The following MPEG1 variants were observed in gnomAD, a reference collection of about 807,000 sequenced individuals.
The protein encoded by MPEG1 is macrophage expressed 1, also known as macrophage-expressed gene 1 protein.
For synonymous variants in MPEG1, 365 were observed against 351.9 expected (o/e 1.04, Z -0.42); for missense variants, 876 against 880.3 (o/e 1.00, Z 0.06).
Position 59,211,003 on chromosome 11 carries a change from C to A in MPEG1, c.1863G>T (p.Trp621Cys), listed in dbSNP as rs1169596919. 3 of 1,614,182 alleles carry A rather than the reference C, an allele frequency of 1.9e-6. No homozygotes were observed. The highest frequency in any genetic ancestry group is 2.5e-6 in the Non-Finnish European group (3 of 1,180,036). The change falls in exon 1 of 1, where the codon TGG (tryptophan) becomes TGT (cysteine). Residue 621 changes from tryptophan (W) to cysteine (C), a missense_variant. Trp to Cys is a radical substitution (Grantham distance 215, BLOSUM62 -2). Coordinates refer to ENST00000361050, the MANE Select transcript of MPEG1 (RefSeq NM_001039396.2). Reference sequence around the variant, plus strand: ...ACTGGTGGGTCTGGGAGTCTTTAATCCAGGATCTCGCATTCTCAGAATTGG... The same window carrying A: ...ACTGGTGGGTCTGGGAGTCTTTAATACAGGATCTCGCATTCTCAGAATTGG... ...IVTNSENARS[W>C]IKDSQTHQWR... is the part of the protein sequence containing the mutation.
In MPEG1 at chr11:59,211,377, A is replaced by G; in HGVS notation, c.1489T>C (p.Cys497Arg). ...SINPMTNAQSCPAGYFPLRLF... is the reference protein window; with the variant it reads ...SINPMTNAQSRPAGYFPLRLF... ...CTCAGTGGAAAGTAGCCGGCTGGGC[A>G]TGACTGTGCATTTGTCATGGGGTTT... The change falls in exon 1 of 1, where the codon TGC becomes CGC. Residue 497 changes from cysteine (C) to arginine (R), a missense_variant. Cys to Arg is a radical substitution (Grantham distance 180). Transcript: ENST00000361050. The G allele has an allele frequency of 1.2e-6, 2 of 1,614,220 alleles. No homozygotes were observed. The highest frequency in any genetic ancestry group is 2.2e-5 in the South Asian group (2 of 91,080).
At position 59,210,823 on chromosome 11, in the gene MPEG1, C is replaced by T; in HGVS notation, c.2043G>A (p.Lys681=). The T allele has an allele frequency of 4.3e-6, 7 of 1,614,182 alleles. No homozygotes were observed. The highest frequency in any genetic ancestry group is 5.9e-6 in the Non-Finnish European group (7 of 1,180,048). ...TTGCCTGATATGCTTTCTTCTTGAA[C>T]TTCCGGGTGCCGTAGATGGCCAAGG... ...VITLAIYGTR[K]FKKKAYQAIE... is the part of the protein sequence containing the mutation. Residue 681 remains lysine, a synonymous_variant, in exon 1 of 1, where the codon AAG becomes AAA. Transcript: ENST00000361050.
rs1862908650 is a variant in MPEG1, at chr11:59,212,446, T to C, written c.420A>G (p.Gln140=). 1 of 1,614,218 alleles carries C rather than the reference T, an allele frequency of 6.2e-7. No homozygotes were observed. Among genetic ancestry groups the C allele is most frequent in the South Asian group, 1.1e-5 (1 of 91,086 alleles). ...GGGTAGTTATAGCTTGGTCCTTCAC[T>C]TGGAGGGTCTTCATCCTCTGGAACT... ...STEFQRMKTL[Q]VKDQAITTRV... Residue 140 remains glutamine, a synonymous_variant, in exon 1 of 1, where the codon CAA becomes CAG. Coordinates refer to ENST00000361050, the MANE Select transcript of MPEG1 (RefSeq NM_001039396.2).
Position 59,211,026 on chromosome 11 carries a change from TG to T in MPEG1, c.1839del (p.Asn614IlefsTer23). 6.2e-7 allele frequency: 1 copy of T among 1,614,144 alleles called. No individual in the cohort carries two copies. Among genetic ancestry groups the T allele is most frequent in the Non-Finnish European group, 8.5e-7 (1 of 1,180,016 alleles). ...SQAATNTVIVTNSENARSWIK... is the reference protein window; with the variant it reads ...SQAATNTVIVXNSENARSWIK... ...ATCCAGGATCTCGCATTCTCAGAAT[TG>T]GTCACTATGACAGTATTGGTGGCAG... On this transcript the variant is annotated frameshift_variant, in exon 1 of 1. Coordinates refer to ENST00000361050, the MANE Select transcript of MPEG1 (RefSeq NM_001039396.2). LOFTEE classifies it low-confidence loss of function (END_TRUNC).
Position 59,209,712 on chromosome 11 carries a change from T to A in MPEG1, c.*1003A>T, listed in dbSNP as rs1422322802. 1 of 150,860 alleles carries A rather than the reference T, an allele frequency of 6.6e-6. No homozygotes were observed. The highest frequency in any genetic ancestry group is 1.5e-5 in the Non-Finnish European group (1 of 67,698). The allele number at this position is 150,860 out of a possible 1,614,324, so 9.3% of individuals were successfully genotyped here. On this transcript the variant is annotated 3_prime_UTR_variant, in exon 1 of 1. Coordinates refer to ENST00000361050, the MANE Select transcript of MPEG1 (RefSeq NM_001039396.2). ...GTCTTACTTTAACTTCTTGCCTTTG[T>A]TACCCCCAGAACCATGCAGACATTG...
In MPEG1 at chr11:59,210,562, A is replaced by G; in HGVS notation, c.*153T>C. 1.5e-6 allele frequency: 1 copy of G among 678,376 alleles called. No homozygotes were observed. Among genetic ancestry groups the G allele is most frequent in the South Asian group, 1.9e-5 (1 of 52,064 alleles). The allele number at this position is 678,376 out of a possible 1,614,324, so 42.0% of individuals were successfully genotyped here. ...CCTCTCCCCAATCCCAACCTTATCC[A>G]TGTAACAGTATGAATTTCCTGGCCC... On this transcript the variant is annotated 3_prime_UTR_variant, in exon 1 of 1. Transcript: ENST00000361050.
chr11:59,210,924 C>T lies in MPEG1; in HGVS notation c.1942G>A (p.Asp648Asn). 6.2e-7 allele frequency: 1 copy of T among 1,614,208 alleles called. No individual in the cohort carries two copies. Among genetic ancestry groups the T allele is most frequent in the Non-Finnish European group, 8.5e-7 (1 of 1,180,044 alleles). Reference sequence around the variant, plus strand: ...GCCCCTCCTGACAGACCACCACCATCCCCATGGATGACATTCATGGCCCTC... The same window carrying T: ...GCCCCTCCTGACAGACCACCACCATTCCCATGGATGACATTCATGGCCCTC... Reference protein sequence around the residue: ...LRRAMNVIHGDGGGLSGGAAA... With the variant: ...LRRAMNVIHGNGGGLSGGAAA... The change falls in exon 1 of 1, where the codon GAT becomes AAT. Residue 648 changes from aspartate to asparagine, a missense_variant. By Grantham distance (23) the Asp-to-Asn change is conservative. Coordinates refer to ENST00000361050, the MANE Select transcript of MPEG1 (RefSeq NM_001039396.2).
Position 59,212,001 on chromosome 11 carries a change from G to T in MPEG1, c.865C>A (p.Leu289Ile), listed in dbSNP as rs1456674707. The change falls in exon 1 of 1, where the codon CTC (leucine) becomes ATC (isoleucine). Residue 289 changes from leucine (L) to isoleucine (I), a missense_variant. Transcript: ENST00000361050. ...GTGATACCCTGCTGCCAGGCCTGGA[G>T]GGTGATGCCTGGGTAAAAAGGAACC... ...GGVPFYPGITLQAWQQGITNH... is the reference protein window; with the variant it reads ...GGVPFYPGITIQAWQQGITNH... 6.2e-7 allele frequency: 1 copy of T among 1,610,642 alleles called. No individual in the cohort carries two copies. The highest frequency in any genetic ancestry group is 1.3e-5 in the African/African-American group (1 of 74,818).
rs778312258 is a variant in MPEG1, at chr11:59,212,925, A to T, written c.-60T>A. 4.3e-6 allele frequency: 6 copies of T among 1,393,160 alleles called. No individual in the cohort carries two copies. The highest frequency in any genetic ancestry group is 6.0e-6 in the Non-Finnish European group (6 of 1,007,134). 86.3% of individuals were successfully genotyped at this position (1,393,160 alleles called of 1,614,324 possible). On this transcript the variant is annotated 5_prime_UTR_variant, in exon 1 of 1. Transcript: ENST00000361050. ...ACAGCGGCCAGCAAGCTTTGGGCAA[A>T]CTAAGATGGAGAAAACAGAAGCAGA...
Position 59,212,579 on chromosome 11 carries a change from A to T in MPEG1, c.287T>A (p.Met96Lys). The change falls in exon 1 of 1, where the codon ATG (methionine) becomes AAG (lysine). Residue 96 changes from methionine (M) to lysine (K), a missense_variant. Met to Lys is a moderately conservative substitution (Grantham distance 95, BLOSUM62 -1). Coordinates refer to ENST00000361050, the MANE Select transcript of MPEG1 (RefSeq NM_001039396.2). ...CCAGGATTCCAGGATTTCTGAGTTC[A>T]TCTCCAGGTTGCTCTGTTTCTGGGG... ...TIPQKQSNLE[M>K]NSEILESWAN... The T allele has an allele frequency of 1.2e-6, 2 of 1,614,234 alleles. No individual in the cohort carries two copies. The highest frequency in any genetic ancestry group is 8.5e-7 in the Non-Finnish European group (1 of 1,180,036).
chr11:59,210,732 C>A lies in MPEG1; in HGVS notation c.2134G>T (p.Gly712Trp), dbSNP rs775855717. ...GGAGAGATTTAAGCTGGACTCTGCC[C>A]CTGCTCTTGGTAAGTGGTGTCTCCA... is the stretch of plus-strand genomic sequence containing the variant. ...ATGDTTYQEQ[G>W]QSPA Residue 712 changes from glycine (G) to tryptophan (W), a missense_variant, in exon 1 of 1, where the codon GGG becomes TGG. Physicochemically the swap from Gly to Trp is radical, Grantham distance 184. Coordinates refer to ENST00000361050, the MANE Select transcript of MPEG1 (RefSeq NM_001039396.2). 3 of 1,613,994 alleles carry A rather than the reference C, an allele frequency of 1.9e-6. No homozygotes were observed. The highest frequency in any genetic ancestry group is 4.5e-5 in the East Asian group (2 of 44,888).
At position 59,210,940 on chromosome 11, in the gene MPEG1, C is replaced by G. The variant is rs376740880; in HGVS notation, c.1926G>C (p.Met642Ile). The G allele has an allele frequency of 1.9e-6, 3 of 1,614,098 alleles. No homozygotes were observed. The highest frequency in any genetic ancestry group is 1.3e-5 in the African/African-American group (1 of 74,938). The change falls in exon 1 of 1, where the codon ATG (methionine) becomes ATC (isoleucine). Residue 642 changes from methionine (M) to isoleucine (I), a missense_variant. Met to Ile is a conservative substitution (Grantham distance 10). Transcript: ENST00000361050. ...LGEPIELRRAMNVIHGDGGGL... is the reference protein window; with the variant it reads ...LGEPIELRRAINVIHGDGGGL... ...CACCACCATCCCCATGGATGACATT[C>G]ATGGCCCTCCGCAGCTCTATCGGTT...
At position 59,211,514 on chromosome 11, in the gene MPEG1, T is replaced by A; in HGVS notation, c.1352A>T (p.Asp451Val). The change falls in exon 1 of 1, where the codon GAT (aspartate) becomes GTT (valine). Residue 451 changes from aspartate to valine, a missense_variant. Physicochemically the swap from Asp to Val is radical, Grantham distance 152. Transcript: ENST00000361050. ...TTCAGCTTTTGCCACCTGGAACACA[T>A]CTTCACACACGGTCTTGCAGAAGAC... ...LLVFCKTVCE[D>V]VFQVAKAEFR... The A allele has an allele frequency of 6.2e-7, 1 of 1,614,152 alleles. No individual in the cohort carries two copies. The highest frequency in any genetic ancestry group is 8.5e-7 in the Non-Finnish European group (1 of 1,180,016).
Position 59,209,437 on chromosome 11 carries a change from T to C in MPEG1, c.*1278A>G, listed in dbSNP as rs538755553. ...TGGAGGTAATTACAATCAGGAGAGA[T>C]TGGTATTAAAATTGAGCAAAGTCCC... On this transcript the variant is annotated 3_prime_UTR_variant, in exon 1 of 1. Transcript: ENST00000361050. 7.9e-5 allele frequency: 12 copies of C among 152,256 alleles called. No individual in the cohort carries two copies. The highest frequency in any genetic ancestry group is 1.2e-4 in the Non-Finnish European group (8 of 68,012). 9.4% of individuals were successfully genotyped at this position (152,256 alleles called of 1,614,324 possible). A position where few individuals can be genotyped will look rare whatever the true frequency, so the allele number is the denominator to read the frequency against.
In MPEG1 at chr11:59,211,036, G is replaced by A. The variant is rs771872763; in HGVS notation, c.1830C>T (p.Val610=). The A allele has an allele frequency of 2.4e-5, 39 of 1,614,064 alleles. No homozygotes were observed. In the South Asian group the frequency reaches 4.3e-4, roughly 18 times the overall value. ...TCGCATTCTCAGAATTGGTCACTAT[G>A]ACAGTATTGGTGGCAGCCTGACTCA... ...PLMSQAATNT[V]IVTNSENARS... Residue 610 remains valine (V), a synonymous_variant, in exon 1 of 1, where the codon GTC becomes GTT. Transcript: ENST00000361050.
At position 59,212,904 on chromosome 11, in the gene MPEG1, C is replaced by A. The variant is rs545824785; in HGVS notation, c.-39G>T. The A allele has an allele frequency of 3.2e-6, 5 of 1,556,874 alleles. No individual in the cohort carries two copies. Among genetic ancestry groups the A allele is most frequent in the Admixed American group, 1.8e-5 (1 of 54,958 alleles). On this transcript the variant is annotated 5_prime_UTR_variant, in exon 1 of 1. Coordinates refer to ENST00000361050, the MANE Select transcript of MPEG1 (RefSeq NM_001039396.2). ...CCAGCCACTCACCAGCCCTACACAG[C>A]GGCCAGCAAGCTTTGGGCAAACTAA...
Position 59,211,241 on chromosome 11 carries a change from T to C in MPEG1, c.1625A>G (p.Asp542Gly), listed in dbSNP as rs755287428. Residue 542 changes from aspartate to glycine, a missense_variant, in exon 1 of 1, where the codon GAT (aspartate) becomes GGT (glycine). Physicochemically the swap from Asp to Gly is moderately conservative, Grantham distance 94. Transcript: ENST00000361050. ...CCCTAAATCTCTGGATATAGCAGGA[T>C]CTACCAGGGGGTTCCCAACTGTGCA... ...FSCTVGNPLV[D>G]PAISRDLGAP... The C allele has an allele frequency of 5.0e-6, 8 of 1,614,098 alleles. No homozygotes were observed. The highest frequency in any genetic ancestry group is 6.8e-6 in the Non-Finnish European group (8 of 1,180,010).
chr11:59,210,987 T>A lies in MPEG1; in HGVS notation c.1879A>T (p.Thr627Ser). Residue 627 changes from threonine to serine, a missense_variant, in exon 1 of 1, where the codon ACC (threonine) becomes TCC (serine). Transcript: ENST00000361050. Reference sequence around the variant, plus strand: ...GGTTCTCCCAGCCTCCACTGGTGGGTCTGGGAGTCTTTAATCCAGGATCTC... The same window carrying A: ...GGTTCTCCCAGCCTCCACTGGTGGGACTGGGAGTCTTTAATCCAGGATCTC... ...NARSWIKDSQ[T>S]HQWRLGEPIE... 3.1e-6 allele frequency: 5 copies of A among 1,614,122 alleles called. No homozygotes were observed. Among genetic ancestry groups the A allele is most frequent in the Non-Finnish European group, 3.4e-6 (4 of 1,180,022 alleles).
Position 59,212,634 on chromosome 11 carries a change from A to G in MPEG1, c.232T>C (p.Tyr78His). ...GTGAAGATTTCATCAGGGATGATAT[A>G]CTGTCCATCCTCTGTTGTCCTGCAG... ...SNCRTTEDGQYIIPDEIFTIP... is the reference protein window; with the variant it reads ...SNCRTTEDGQHIIPDEIFTIP... Residue 78 changes from tyrosine (Y) to histidine (H), a missense_variant, in exon 1 of 1, where the codon TAT becomes CAT. Transcript: ENST00000361050. 1 of 1,614,212 alleles carries G rather than the reference A, an allele frequency of 6.2e-7. No homozygotes were observed. Among genetic ancestry groups the G allele is most frequent in the Non-Finnish European group, 8.5e-7 (1 of 1,180,020 alleles).
Sources: allele counts gnomAD v4.1 joint callset, GRCh38; gene constraint gnomAD v4.1.1; transcripts MANE v1.5; gene names NCBI Gene and HGNC (gene_info 2026-07-23, HGNC 2026-07-21).